ROCK1: variants seen among roughly 807,000 people sequenced by gnomAD.
ROCK1 encodes Rho associated coiled-coil containing protein kinase 1.
ROCK1 carries 36 observed loss-of-function variants against 196.8 expected under a neutral mutation model. The ratio of observed to expected loss-of-function variants is 0.18; its 90% CI spans 0.14 to 0.24. The LOEUF is 0.24. ROCK1 is among the 10% of genes least tolerant of loss of function. The pLI, the probability that ROCK1 is intolerant of heterozygous loss-of-function variation, is 1.00. For synonymous variants in ROCK1, 443 were observed against 515.9 expected (o/e 0.86, Z 1.91); for missense variants, 920 against 1,562.0 (o/e 0.59, Z 6.93).
intron 19 of ROCK1, among the ~76,000 whole-genome samples, chr18:20,986,740 G>A (rs1480935472): frequency 1.3e-5 from 2 of 152,094 alleles, no homozygotes; most frequent in South Asian, 4.2e-4. Context: ...AGTGAAAAAT[G>A]GCATAGATCA....
rs1267216257 is a variant in ROCK1, at chr18:21,027,499, T to A, written c.1211+1277A>T. Reference sequence around the variant, plus strand: ...TAAAGCTAACATGAACTCATACTAATGGTAATAATAGTTAACACTGAGTGC... The same window carrying A: ...TAAAGCTAACATGAACTCATACTAAAGGTAATAATAGTTAACACTGAGTGC... On this transcript the variant is annotated intron_variant, in intron 10 of 32. Transcript: ENST00000399799. Among the ~76,000 whole-genome samples the A allele has an allele frequency of 2.6e-5, 4 of 152,192 alleles. No homozygotes were observed. In the East Asian group the frequency reaches 5.8e-4, roughly 22 times the overall value.
chr18:20,998,928 T>A (rs992679992), intron 16 of ROCK1, among the ~76,000 whole-genome samples: 1 of 151,998 alleles, frequency 6.6e-6, no homozygotes, highest in Non-Finnish European at 1.5e-5. Flanking sequence ...CATTTAAAGA[T>A]GAACAAATAA....
intron 2 of ROCK1, 33 bp downstream of exon 2, chr18:21,070,499 G>A: frequency 8.6e-7 from 1 of 1,164,862 alleles, no homozygotes; most frequent in Non-Finnish European, 1.3e-6. Context: ...GTTATATGAA[G>A]TCTGTCATTA....
intron 22 of ROCK1, among the ~76,000 whole-genome samples, chr18:20,972,612 G>A (rs1318596751): frequency 1.3e-5 from 2 of 152,162 alleles, no homozygotes; most frequent in African/African-American, 4.8e-5. Context: ...TACAGCATGT[G>A]GTGTCACAGA....
At chr18:20,955,681 T>A (rs1050332008) in intron 29 of ROCK1, among the ~76,000 whole-genome samples, 1 of 148,398 alleles carries the variant, frequency 6.7e-6, no homozygotes, top group Non-Finnish European at 1.5e-5. Flanking sequence ...ATAGGAGCTT[T>A]ATTCATAATA....
intron 22 of ROCK1, among the ~76,000 whole-genome samples, chr18:20,977,196 T>C (rs1164093229): frequency 6.6e-6 from 1 of 152,214 alleles, no homozygotes; most frequent in Non-Finnish European, 1.5e-5. Flanking sequence ...TCAATATTTA[T>C]TGAATACTTA....
At chr18:20,959,103 T>TTATATATATTATATAATATATATAA (rs2035292427) in intron 29 of ROCK1, among the ~76,000 whole-genome samples, 2 of 17,548 alleles carry the variant, frequency 1.1e-4, no homozygotes, top group African/African-American at 5.4e-4. Context: ...AATATATATA[T>TTATATATATTATATAATATATATAA]TATATATATA....
chr18:20,961,818 C>CTTTTTTTTTTTTTT (rs11334095), intron 27 of ROCK1, among the ~76,000 whole-genome samples: 1 of 117,204 alleles, frequency 8.5e-6, no homozygotes, highest in Non-Finnish European at 1.7e-5. Flanking sequence ...TTTCTTTTTC[C>CTTTTTTTTTTTTTT]TTTTTTTTTT....
In ROCK1 at chr18:20,983,583, AT is replaced by A. The variant is rs1206296295; in HGVS notation, c.2490-752del. 5.9e-5 allele frequency among the ~76,000 whole-genome samples: 9 copies of A among 152,246 alleles called. 1 individual carries two copies. The South Asian group carries it at 1.9e-3, about 32-fold the overall frequency. On this transcript the variant is annotated intron_variant, in intron 20 of 32. Transcript: ENST00000399799. ...TCATATTAGACAGTAATAGCTTTGT[AT>A]TCTCAGTATCTCAAAAGGCATGTGG...
chr18:20,969,179 T>A lies in ROCK1; in HGVS notation c.2850A>T (p.Lys950Asn). Residue 950 changes from lysine to asparagine, a missense_variant, in exon 24 of 33, where the codon AAA becomes AAT. By Grantham distance (94) the Lys-to-Asn change is moderately conservative. Coordinates refer to ENST00000399799, the MANE Select transcript of ROCK1 (RefSeq NM_005406.3). Reference protein sequence around the residue: ...RLEEANSMLTKDIEILRRENE... With the variant: ...RLEEANSMLTNDIEILRRENE... Reference sequence around the variant, plus strand: ...TCTCTCTTCTTAATATTTCAATATCTTTGGTTAGCATGCTGTTTGCTTCTT... The same window carrying A: ...TCTCTCTTCTTAATATTTCAATATCATTGGTTAGCATGCTGTTTGCTTCTT... The A allele has an allele frequency of 1.2e-6, 2 of 1,603,922 alleles. No individual in the cohort carries two copies. The highest frequency in any genetic ancestry group is 1.7e-6 in the Non-Finnish European group (2 of 1,178,216).
intron 1 of ROCK1, among the ~76,000 whole-genome samples, chr18:21,093,228 T>C (rs1169777957): frequency 6.6e-5 from 10 of 152,212 alleles, no homozygotes; most frequent in Non-Finnish European, 1.5e-5. Context: ...GCACTCGTCT[T>C]GTAATCACAA....
chr18:20,970,488 G>T lies in ROCK1; in HGVS notation c.2680C>A (p.Leu894Ile). Residue 894 changes from leucine (L) to isoleucine (I), a missense_variant, in exon 23 of 33, where the codon CTA (leucine) becomes ATA (isoleucine). By Grantham distance (5) the Leu-to-Ile change is conservative (BLOSUM62 2). Coordinates refer to ENST00000399799, the MANE Select transcript of ROCK1 (RefSeq NM_005406.3). ...EKETLATQLD[L>I]AETKAESEQL... ...TCAGACTCAGCTTTTGTTTCTGCTA[G>T]ATCCAACTGAGTAGCAAGAGTTTCT... is the stretch of plus-strand genomic sequence containing the variant. 2 of 1,610,964 alleles carry T rather than the reference G, an allele frequency of 1.2e-6. No homozygotes were observed. Among genetic ancestry groups the T allele is most frequent in the South Asian group, 1.1e-5 (1 of 90,680 alleles).
chr18:20,978,204 CAAA>C (rs34885138), intron 22 of ROCK1, among the ~76,000 whole-genome samples: 3 of 118,804 alleles, frequency 2.5e-5, no homozygotes, highest in Admixed American at 8.8e-5. Context: ...TGTATTCCAA[CAAA>C]AAAAAAAAAA....
At chr18:20,955,868 A>G (rs1303472878) in intron 29 of ROCK1, among the ~76,000 whole-genome samples, 2 of 151,084 alleles carry the variant, frequency 1.3e-5, no homozygotes, top group African/African-American at 2.4e-5. Context: ...TTCCATTCAT[A>G]TAACACTCTT....
intron 16 of ROCK1, among the ~76,000 whole-genome samples, chr18:20,996,484 T>C (rs953200097): frequency 1.3e-5 from 2 of 152,016 alleles, no homozygotes; most frequent in Non-Finnish European, 2.9e-5. Flanking sequence ...GAAAGAGAGA[T>C]AGGGGTAGAA....
intron 12 of ROCK1, among the ~76,000 whole-genome samples, chr18:21,016,887 A>C (rs2035867331): frequency 6.6e-6 from 1 of 151,506 alleles, no homozygotes; most frequent in Admixed American, 6.6e-5. Flanking sequence ...CCCCCCCGCA[A>C]AAAAAAAGAG....
At chr18:20,964,822 A>G (rs918285937) in intron 27 of ROCK1, among the ~76,000 whole-genome samples, 16 of 152,234 alleles carry the variant, frequency 1.1e-4, no homozygotes, top group African/African-American at 3.9e-4. Flanking sequence ...TCCCAGCCTA[A>G]GTCTGCCAAT....
intron 25 of ROCK1, 135 bp from the exon 26 acceptor site, chr18:20,968,075 C>T: frequency 1.3e-6 from 1 of 797,138 alleles, no homozygotes; most frequent in East Asian, 2.8e-5. Context: ...ATGGTTGAGA[C>T]ATGATAACTG....
At chr18:21,028,079 C>T (rs1382368926) in intron 10 of ROCK1, among the ~76,000 whole-genome samples, 8 of 148,378 alleles carry the variant, frequency 5.4e-5, no homozygotes, top group Non-Finnish European at 1.2e-4. Flanking sequence ...TTTTGAAGAG[C>T]TAAAAATTGA....
Sources: gnomAD v4.1 joint callset for allele counts (sites outside exome capture counted in the v4.1 genomes callset) on GRCh38, gnomAD v4.1.1 for gene constraint, MANE v1.5 for transcripts, NCBI Gene and HGNC (gene_info 2026-07-23, HGNC 2026-07-21) for gene names.